The following IMPG2 variants were observed in gnomAD, a reference collection of about 807,000 sequenced individuals.
The protein encoded by IMPG2 is interphotoreceptor matrix proteoglycan 2.
IMPG2 carries 91 observed loss-of-function variants against 129.2 expected under a neutral mutation model. The observed-to-expected ratio is 0.70, with a 90% CI of 0.59 to 0.84. The LOEUF is 0.84. IMPG2 is among the 40% of genes least tolerant of loss of function. The probability of loss-of-function intolerance (pLI) is 0.00; values close to 1 mark genes in which losing one functional copy is unlikely to be tolerated. For synonymous variants in IMPG2, 510 were observed against 517.7 expected, an observed-to-expected ratio of 0.99 and a Z score of 0.20; for missense variants, 1,430 against 1,461.7, an observed-to-expected ratio of 0.98 and a Z score of 0.35.
intron 9 of IMPG2, among the ~76,000 whole-genome samples, chr3:101,265,570 ATGTCAGAC>A (rs1351471145): frequency 3.3e-5 from 5 of 152,190 alleles, no homozygotes; most frequent in Admixed American, 2.0e-4. Flanking sequence ...AAAGACCTAA[ATGTCAGAC>A]TTGAAAAACT....
intron 9 of IMPG2, among the ~76,000 whole-genome samples, chr3:101,258,738 G>A (rs113549538): frequency 2.1e-4 from 32 of 152,218 alleles, no homozygotes; most frequent in African/African-American, 7.2e-4. Flanking sequence ...AAATAAATAA[G>A]CATGAGTTGA....
rs1706212789 is a variant in IMPG2 at position 101,225,582 on chromosome 3, G to C, written c.*1387C>G. On this transcript the variant is annotated 3_prime_UTR_variant, in exon 19 of 19. Transcript: ENST00000193391. ...GAGCAGAATTGGCAGTCATCAAGTTGAGAAAAAAAAAAGTGAACCAAGTAT... is the reference window on the plus strand; with the variant it reads ...GAGCAGAATTGGCAGTCATCAAGTTCAGAAAAAAAAAAGTGAACCAAGTAT... The C allele has an allele frequency of 6.6e-6, 1 of 150,910 alleles. No homozygotes were observed. The highest frequency in any genetic ancestry group is 1.5e-5 in the Non-Finnish European group (1 of 67,720). The allele number at this position is 150,910 out of a possible 1,614,324, so 9.3% of individuals were successfully genotyped here. A position where few individuals can be genotyped will look rare whatever the true frequency, so the allele number is the denominator to read the frequency against.
At chr3:101,314,687 T>C (rs1165092441) in intron 2 of IMPG2, among the ~76,000 whole-genome samples, 2 of 152,150 alleles carry the variant, frequency 1.3e-5, no homozygotes, top group Non-Finnish European at 2.9e-5. Context: ...TTGTGGTTAA[T>C]ACTATACCTG....
In IMPG2 at chr3:101,269,661, T is replaced by C. The variant is rs1706758566; in HGVS notation, c.829-88A>G. ...ATGCTTTTAAGAGTAGAATAAAAAG[T>C]GAACTGTTCACAACTATTAGAAGCT... On this transcript the variant is annotated intron_variant, in intron 7 of 18. Transcript: ENST00000193391. The C allele has an allele frequency of 1.1e-5, 9 of 820,718 alleles. No homozygotes were observed. The South Asian group carries it at 1.3e-4, about 12-fold the overall frequency. The allele number at this position is 820,718 out of a possible 1,614,324, so 50.8% of individuals were successfully genotyped here.
In IMPG2 at chr3:101,273,346, A is replaced by G. The variant is rs187869272; in HGVS notation, c.828+235T>C. 8.5e-5 allele frequency among the ~76,000 whole-genome samples: 13 copies of G among 152,330 alleles called. No homozygotes were observed. The East Asian group carries it at 2.5e-3, about 29-fold the overall frequency. On this transcript the variant is annotated intron_variant, in intron 7 of 18. Coordinates refer to ENST00000193391, the MANE Select transcript of IMPG2 (RefSeq NM_016247.4). ...CACATTCTTTCTTGGCTGTGCAGCA[A>G]AAGTTGGAAATTGCATTTATTTTTT...
intron 7 of IMPG2, 95 bp from the exon 8 acceptor site, chr3:101,269,668 T>C: frequency 2.6e-6 from 2 of 770,684 alleles, no homozygotes; most frequent in Non-Finnish European, 2.2e-6. Flanking sequence ...AAGTGAACTG[T>C]TCACAACTAT....
chr3:101,244,961 AT>A (rs1706460224), intron 12 of IMPG2, among the ~76,000 whole-genome samples, 174 bp from the exon 13 acceptor site: 1 of 152,162 alleles, frequency 6.6e-6, no homozygotes, highest in Non-Finnish European at 1.5e-5. Context: ...TGTTTGCAAT[AT>A]GGGACAGTCA....
In IMPG2 at chr3:101,319,832, G is replaced by C. The variant is rs1156791839; in HGVS notation, c.86C>G (p.Ala29Gly). The C allele has an allele frequency of 6.2e-7, 1 of 1,610,520 alleles. No individual in the cohort carries two copies. Among genetic ancestry groups the C allele is most frequent in the East Asian group, 2.2e-5 (1 of 44,874 alleles). The change falls in exon 2 of 19, where the codon GCA (alanine) becomes GGA (glycine). Residue 29 changes from alanine to glycine, a missense_variant and splice_region_variant. By Grantham distance (60) the Ala-to-Gly change is moderately conservative. Coordinates refer to ENST00000193391, the MANE Select transcript of IMPG2 (RefSeq NM_016247.4). ...LIEGDFPSLT[A>G]QTYLSIEEIQ... ...CTCCTCTATAGATAAGTAGGTTTGT[G>C]CTACAGAGTGAAAGTATAGTCAAGT...
Position 101,244,671 on chromosome 3 carries a change from A to C in IMPG2, c.1660T>G (p.Ser554Ala). ...TIPSMEDSDVSLTSSPYLTSS... is the reference protein window; with the variant it reads ...TIPSMEDSDVALTSSPYLTSS... ...GTCAGATATGGTGAAGATGTTAAGGACACATCAGAGTCTTCCATGGATGGT... is the reference window on the plus strand; with the variant it reads ...GTCAGATATGGTGAAGATGTTAAGGCCACATCAGAGTCTTCCATGGATGGT... Residue 554 changes from serine to alanine, a missense_variant, in exon 13 of 19, where the codon TCC becomes GCC. Ser to Ala is a moderately conservative substitution (Grantham distance 99). Coordinates refer to ENST00000193391, the MANE Select transcript of IMPG2 (RefSeq NM_016247.4). 1 of 1,614,114 alleles carries C rather than the reference A, an allele frequency of 6.2e-7. No homozygotes were observed. The highest frequency in any genetic ancestry group is 1.1e-5 in the South Asian group (1 of 91,076).
chr3:101,281,847 G>A lies in IMPG2; in HGVS notation c.534-5134C>T, dbSNP rs555264310. Among the ~76,000 whole-genome samples, 3 of 152,266 alleles carry A rather than the reference G, an allele frequency of 2.0e-5. No individual in the cohort carries two copies. The South Asian group carries it at 6.2e-4, about 32-fold the overall frequency. On this transcript the variant is annotated intron_variant, in intron 4 of 18. Transcript: ENST00000193391. ...CTTTGAAGATGGAAGTGGGCCATGAGCCAAGAAATGTGGGTGGTCTGTAGA... is the reference window on the plus strand; with the variant it reads ...CTTTGAAGATGGAAGTGGGCCATGAACCAAGAAATGTGGGTGGTCTGTAGA...
chr3:101,291,094 A>C (rs1346436792), intron 4 of IMPG2, among the ~76,000 whole-genome samples: 1 of 152,192 alleles, frequency 6.6e-6, no homozygotes, highest in Admixed American at 6.5e-5. Flanking sequence ...ATCAATAGTC[A>C]ATAAATTGAT....
At chr3:101,276,591 G>T in intron 5 of IMPG2, 73 bp downstream of exon 5, 1 of 998,112 alleles carries the variant, frequency 1.0e-6, no homozygotes, top group East Asian at 2.4e-5. Flanking sequence ...TGCAAAAAAT[G>T]TACTTGTTTG....
At chr3:101,316,571 C>A (rs903879671) in intron 2 of IMPG2, among the ~76,000 whole-genome samples, 4 of 151,868 alleles carry the variant, frequency 2.6e-5, no homozygotes, top group Non-Finnish European at 5.9e-5. Flanking sequence ...AGATATACAT[C>A]CACTGGAATG....
At chr3:101,234,262 G>A (rs553007608) in intron 14 of IMPG2, among the ~76,000 whole-genome samples, 1 of 151,336 alleles carries the variant, frequency 6.6e-6, no homozygotes, top group South Asian at 2.1e-4. Context: ...CAGGAAACAA[G>A]GCTATCTGGA....
chr3:101,305,117 A>G (rs938884122), intron 2 of IMPG2, among the ~76,000 whole-genome samples: 1 of 152,160 alleles, frequency 6.6e-6, no homozygotes, highest in African/African-American at 2.4e-5. Flanking sequence ...AATAGGTGAA[A>G]GGATGAACAA....
intron 14 of IMPG2, among the ~76,000 whole-genome samples, chr3:101,239,775 T>A (rs564191983): frequency 5.3e-5 from 8 of 152,276 alleles, no homozygotes; most frequent in Admixed American, 3.9e-4. Context: ...TGCAGGGACA[T>A]GGATTAAGCT....
chr3:101,258,685 C>CA (rs1466410633), intron 9 of IMPG2, among the ~76,000 whole-genome samples: 1 of 151,702 alleles, frequency 6.6e-6, no homozygotes, highest in Non-Finnish European at 1.5e-5. Flanking sequence ...TTTCCACAAG[C>CA]AAAAAAGAGG....
At chr3:101,313,424 C>G (rs1390507401) in intron 2 of IMPG2, among the ~76,000 whole-genome samples, 1 of 152,104 alleles carries the variant, frequency 6.6e-6, no homozygotes, top group Non-Finnish European at 1.5e-5. Flanking sequence ...GTTCAGAATT[C>G]CCATCCTTGT....
At chr3:101,273,795 C>T in intron 6 of IMPG2, 53 bp from the exon 7 acceptor site, 1 of 1,510,100 alleles carries the variant, frequency 6.6e-7, no homozygotes, top group Non-Finnish European at 9.2e-7. Flanking sequence ...ATTCAATCAA[C>T]AAACATTTAT....
Sources: gnomAD v4.1 joint callset for allele counts (sites outside exome capture counted in the v4.1 genomes callset) on GRCh38, gnomAD v4.1.1 for gene constraint, MANE v1.5 for transcripts, NCBI Gene and HGNC (gene_info 2026-07-23, HGNC 2026-07-21) for gene names.